ADAMTSL3: variants seen among roughly 807,000 people sequenced by gnomAD.
The protein encoded by ADAMTSL3 is ADAMTS like 3.
ADAMTSL3 carries 128 observed loss-of-function variants against 201.7 expected under a neutral mutation model. The observed-to-expected ratio is 0.63, with a 90% confidence interval of 0.55 to 0.73. ADAMTSL3 has a LOEUF of 0.73. Among genes scored for constraint, ADAMTSL3 ranks in the 30% least tolerant of loss-of-function variants. The pLI, the probability that ADAMTSL3 is intolerant of heterozygous loss-of-function variation, is 0.00. For missense variants in ADAMTSL3, 1,990 were observed against 2,119.6 expected (o/e 0.94, Z 1.20); for synonymous variants, 738 against 748.4 (o/e 0.99, Z 0.23).
At chr15:83,782,668 A>T (rs1340638145) in intron 4 of ADAMTSL3, among the ~76,000 whole-genome samples, 1 of 152,148 alleles carries the variant, frequency 6.6e-6, no homozygotes, top group African/African-American at 2.4e-5. Context: ...TGGAAGCTAA[A>T]CTATGAGAAC....
intron 23 of ADAMTSL3, 22 bp from the exon 24 acceptor site, chr15:84,014,520 C>A: frequency 1.2e-6 from 2 of 1,605,358 alleles, no homozygotes; most frequent in South Asian, 2.2e-5. Flanking sequence ...TTGCCTTTGT[C>A]ATATTTGTTT....
At chr15:83,748,667 AAAAAAT>A (rs1461507607) in intron 3 of ADAMTSL3, among the ~76,000 whole-genome samples, 9 of 151,462 alleles carry the variant, frequency 5.9e-5, no homozygotes, top group Admixed American at 2.0e-4. Flanking sequence ...AAAAAAAAAA[AAAAAAT>A]ACCACACACA....
At position 83,823,940 on chromosome 15, in the gene ADAMTSL3, CT is replaced by C. The variant is rs1254493075; in HGVS notation, c.600+3895del. Among the ~76,000 whole-genome samples, 652 of 112,872 alleles carry C rather than the reference CT, an allele frequency of 5.8e-3. 44 individuals carry two copies. In the East Asian group the frequency reaches 0.089, roughly 15 times the overall value. The allele number at this position is 112,872 out of a possible 152,430, so 74.0% of individuals were successfully genotyped here. A position where few individuals can be genotyped will look rare whatever the true frequency, so the allele number is the denominator to read the frequency against. ...TCTTCTTCTTCTTCTTCTTCTTCTT[CT>C]TCTTCTTCTTCTTCTTCTTCTTCTT... On this transcript the variant is annotated intron_variant, in intron 6 of 29. Coordinates refer to ENST00000286744, the MANE Select transcript of ADAMTSL3 (RefSeq NM_207517.3).
intron 13 of ADAMTSL3, among the ~76,000 whole-genome samples, chr15:83,897,458 TA>T (rs1447086063): frequency 6.6e-6 from 1 of 152,228 alleles, no homozygotes; most frequent in African/African-American, 2.4e-5. Context: ...ATTAGAATTT[TA>T]TTATATTTTT....
chr15:83,905,646 C>T (rs766413953), intron 15 of ADAMTSL3, among the ~76,000 whole-genome samples: 5 of 152,132 alleles, frequency 3.3e-5, no homozygotes, highest in Non-Finnish European at 7.4e-5. Flanking sequence ...TTGAAAGATC[C>T]CTCTGGTGGT....
intron 5 of ADAMTSL3, 84 bp from the exon 6 acceptor site, chr15:83,819,727 A>T: frequency 9.0e-7 from 1 of 1,109,016 alleles, no homozygotes; most frequent in East Asian, 2.4e-5. Flanking sequence ...GTGTGGTCTC[A>T]TGAGATTCTG....
chr15:83,980,417 A>G (rs1191002866), intron 20 of ADAMTSL3, among the ~76,000 whole-genome samples: 1 of 152,150 alleles, frequency 6.6e-6, no homozygotes, highest in Non-Finnish European at 1.5e-5. Context: ...GATTGACTAT[A>G]AATTTACCAG....
chr15:83,888,750 T>G (rs894217993), intron 10 of ADAMTSL3, among the ~76,000 whole-genome samples: 4 of 152,228 alleles, frequency 2.6e-5, no homozygotes, highest in Non-Finnish European at 4.4e-5. Context: ...AACATTTTAT[T>G]GACTCCATTT....
intron 3 of ADAMTSL3, among the ~76,000 whole-genome samples, chr15:83,724,517 C>G (rs28857567): frequency 0.27 from 41,027 of 151,834 alleles, 5,816 homozygotes; most frequent in South Asian, 0.55. Flanking sequence ...ATGGGGTATC[C>G]GTCACCTCAG....
intron 4 of ADAMTSL3, among the ~76,000 whole-genome samples, chr15:83,784,559 T>C (rs771899515): frequency 3.0e-4 from 45 of 152,196 alleles, no homozygotes; most frequent in Non-Finnish European, 5.9e-4. Context: ...GGAAGTTCAA[T>C]ATATACGCTC....
chr15:83,968,566 A>C (rs1210192717), intron 19 of ADAMTSL3, among the ~76,000 whole-genome samples: 1 of 152,232 alleles, frequency 6.6e-6, no homozygotes, highest in African/African-American at 2.4e-5. Flanking sequence ...TGTTGGTGGG[A>C]GTGTAAATTA....
At position 83,982,892 on chromosome 15, in the gene ADAMTSL3, A is replaced by G; in HGVS notation, c.3264A>G (p.Ala1088=). Residue 1088 remains alanine (A), a synonymous_variant, in exon 21 of 30, where the codon GCA becomes GCG. Coordinates refer to ENST00000286744, the MANE Select transcript of ADAMTSL3 (RefSeq NM_207517.3). ...KQFEAAVKQG[A]YSMDTAQFDE... ...TTGAAGCAGCAGTTAAACAAGGAGC[A>G]TATAGCATGGATACAGCCCAGTTTG... The G allele has an allele frequency of 5.0e-6, 8 of 1,614,118 alleles. No homozygotes were observed. Among genetic ancestry groups the G allele is most frequent in the Non-Finnish European group, 6.8e-6 (8 of 1,180,032 alleles).
At chr15:83,949,450 G>C (rs2066718612) in intron 19 of ADAMTSL3, among the ~76,000 whole-genome samples, 1 of 152,094 alleles carries the variant, frequency 6.6e-6, no homozygotes, top group Non-Finnish European at 1.5e-5. Flanking sequence ...TGGCTATTGT[G>C]AATACGGCTG....
At position 83,808,778 on chromosome 15, in the gene ADAMTSL3, A is replaced by G. The variant is rs573041907; in HGVS notation, c.363+4083A>G. Among the ~76,000 whole-genome samples, 6 of 152,308 alleles carry G rather than the reference A, an allele frequency of 3.9e-5. No individual in the cohort carries two copies. The South Asian group carries it at 6.2e-4, about 16-fold the overall frequency. On this transcript the variant is annotated intron_variant, in intron 5 of 29. Transcript: ENST00000286744. ...AAAGAAAATGTGGTATATATACACA[A>G]TGAAATACTATGCAGCCGTAAAAAG...
intron 2 of ADAMTSL3, among the ~76,000 whole-genome samples, chr15:83,681,354 T>G (rs887613676): frequency 6.6e-6 from 1 of 152,214 alleles, no homozygotes; most frequent in Non-Finnish European, 1.5e-5. Flanking sequence ...ATTTATATTT[T>G]GTTAGTTAAA....
intron 5 of ADAMTSL3, among the ~76,000 whole-genome samples, chr15:83,805,487 G>A (rs2063587652): frequency 6.6e-6 from 1 of 151,698 alleles, no homozygotes; most frequent in Non-Finnish European, 1.5e-5. Context: ...AACCCAGGAG[G>A]TGAAGCTTGC....
chr15:83,755,454 C>T (rs937426570), intron 3 of ADAMTSL3, among the ~76,000 whole-genome samples: 1 of 151,180 alleles, frequency 6.6e-6, no homozygotes, highest in African/African-American at 2.4e-5. Flanking sequence ...AACCACCATT[C>T]TACTTTCTGT....
At position 83,773,992 on chromosome 15, in the gene ADAMTSL3, A is replaced by C. The variant is rs2063030152; in HGVS notation, c.317+342A>C. Among the ~76,000 whole-genome samples, 3 of 152,208 alleles carry C rather than the reference A, an allele frequency of 2.0e-5. No homozygotes were observed. In the South Asian group the frequency reaches 6.2e-4, roughly 32 times the overall value. On this transcript the variant is annotated intron_variant, in intron 4 of 29. Coordinates refer to ENST00000286744, the MANE Select transcript of ADAMTSL3 (RefSeq NM_207517.3). ...CCCTTGGGTTGCTGCAACTTAGTCC[A>C]GTTCTTGTTCATCTATTCTGAGCAA... is the stretch of plus-strand genomic sequence containing the variant.
chr15:83,851,610 A>C (rs910622725), intron 7 of ADAMTSL3, among the ~76,000 whole-genome samples: 6 of 152,214 alleles, frequency 3.9e-5, no homozygotes, highest in Non-Finnish European at 2.9e-5. Flanking sequence ...TACATATATA[A>C]TATGCTGTAT....
Sources: allele counts gnomAD v4.1 joint callset (sites outside exome capture counted in the v4.1 genomes callset), GRCh38; gene constraint gnomAD v4.1.1; transcripts MANE v1.5; gene names NCBI Gene and HGNC (gene_info 2026-07-23, HGNC 2026-07-21).